GMDS: variants seen among roughly 807,000 people sequenced by gnomAD.
GMDS encodes GDP-mannose 4,6 dehydratase.
Under a neutral mutation model 49.9 loss-of-function variants are expected in GMDS, and 20 were observed. The observed-to-expected ratio is 0.40, with a 90% confidence interval of 0.28 to 0.58. The LOEUF (loss-of-function observed/expected upper bound fraction) is 0.58, where lower values mean the gene tolerates loss of function less well. GMDS is among the 20% of genes least tolerant of loss of function. The pLI is 0.42. For missense variants in GMDS, 362 were observed against 481.4 expected, an observed-to-expected ratio of 0.75 and a Z score of 2.32; for synonymous variants, 177 against 178.6, an observed-to-expected ratio of 0.99 and a Z score of 0.07.
intron 1 of GMDS, among the ~76,000 whole-genome samples, chr6:2,240,480 T>C (rs1471615249): frequency 6.6e-6 from 1 of 151,886 alleles, no homozygotes; most frequent in Non-Finnish European, 1.5e-5. Context: ...TTCAAACACC[T>C]GTAATCCCAG....
intron 1 of GMDS, among the ~76,000 whole-genome samples, chr6:2,177,795 A>G (rs1295907065): frequency 6.6e-6 from 1 of 152,192 alleles, no homozygotes; most frequent in East Asian, 1.9e-4. Context: ...AGACAGTCCC[A>G]AAAGAAAATA....
chr6:1,942,688 T>C (rs1374107391), intron 6 of GMDS, among the ~76,000 whole-genome samples: 1 of 152,146 alleles, frequency 6.6e-6, no homozygotes, highest in Non-Finnish European at 1.5e-5. Flanking sequence ...AGACAGAAGA[T>C]AAAAAGGGAG....
intron 1 of GMDS, among the ~76,000 whole-genome samples, chr6:2,202,535 C>G (rs1050543079): frequency 3.3e-5 from 5 of 151,676 alleles, no homozygotes; most frequent in Non-Finnish European, 7.4e-5. Flanking sequence ...TAATTCTCTC[C>G]GTGCCTCAGT....
intron 7 of GMDS, among the ~76,000 whole-genome samples, chr6:1,898,764 G>A (rs923843183): frequency 6.6e-6 from 1 of 152,192 alleles, no homozygotes; most frequent in African/African-American, 2.4e-5. Context: ...TCTAAAGGAA[G>A]GTGCTGTGAG....
chr6:1,847,202 C>G (rs1198286995), intron 7 of GMDS, among the ~76,000 whole-genome samples: 1 of 151,896 alleles, frequency 6.6e-6, no homozygotes, highest in Non-Finnish European at 1.5e-5. Context: ...ACTACAGGTA[C>G]AAGCCACCAC....
intron 9 of GMDS, among the ~76,000 whole-genome samples, chr6:1,702,055 G>A (rs972757681): frequency 2.0e-5 from 3 of 152,306 alleles, no homozygotes; most frequent in East Asian, 1.9e-4. Flanking sequence ...GGGTATTATC[G>A]AACTAGAAAC....
intron 9 of GMDS, among the ~76,000 whole-genome samples, chr6:1,717,245 G>A (rs946257125): frequency 2.0e-5 from 3 of 152,224 alleles, no homozygotes; most frequent in Non-Finnish European, 4.4e-5. Flanking sequence ...GTGATTACTT[G>A]TTACATCAGC....
chr6:1,873,487 T>C (rs947184974), intron 7 of GMDS, among the ~76,000 whole-genome samples: 18 of 152,216 alleles, frequency 1.2e-4, no homozygotes, highest in Admixed American at 3.3e-4. Context: ...GGCCACTTTT[T>C]CCCTGGAAAC....
intron 4 of GMDS, among the ~76,000 whole-genome samples, chr6:1,999,464 G>C (rs1308672729): frequency 6.6e-6 from 1 of 151,826 alleles, no homozygotes; most frequent in Non-Finnish European, 1.5e-5. Flanking sequence ...GAAGATGGCA[G>C]ACTAGCTTAA....
chr6:1,860,078 C>T (rs1029155241), intron 7 of GMDS, among the ~76,000 whole-genome samples: 29 of 151,850 alleles, frequency 1.9e-4, no homozygotes, highest in African/African-American at 6.0e-4. Flanking sequence ...AACAGTAAAA[C>T]AAAACAAAAC....
intron 7 of GMDS, among the ~76,000 whole-genome samples, chr6:1,786,803 T>G (rs968450178): frequency 1.3e-5 from 2 of 151,938 alleles, no homozygotes; most frequent in Admixed American, 6.6e-5. Flanking sequence ...TTTGTGGTTT[T>G]TTTTTTTATC....
intron 7 of GMDS, among the ~76,000 whole-genome samples, chr6:1,826,136 T>A (rs560516802): frequency 1.3e-5 from 2 of 152,310 alleles, no homozygotes; most frequent in African/African-American, 4.8e-5. Flanking sequence ...TATGAAGGCC[T>A]AGGACATGAC....
chr6:1,861,167 C>T (rs1758164684), intron 7 of GMDS, among the ~76,000 whole-genome samples: 1 of 152,264 alleles, frequency 6.6e-6, no homozygotes, highest in African/African-American at 2.4e-5. Flanking sequence ...TGGAGGGTGA[C>T]GTGCACACAA....
chr6:2,015,549 G>GA (rs1196007033), intron 4 of GMDS, among the ~76,000 whole-genome samples: 5 of 152,136 alleles, frequency 3.3e-5, no homozygotes, highest in Non-Finnish European at 7.4e-5. Flanking sequence ...GCAACATTAG[G>GA]AAAGAGGAAA....
chr6:1,628,689 T>C (rs1443082861), intron 9 of GMDS, among the ~76,000 whole-genome samples: 2 of 152,246 alleles, frequency 1.3e-5, no homozygotes, highest in East Asian at 3.8e-4. Context: ...GGCAGATTAT[T>C]GTTAAATTTC....
chr6:1,705,360 G>A (rs73405517), intron 9 of GMDS, among the ~76,000 whole-genome samples: 1,814 of 152,316 alleles, frequency 0.012, 39 homozygotes, highest in African/African-American at 0.042. Context: ...GACAGGCTGA[G>A]TTAGGCTTGT....
intron 9 of GMDS, among the ~76,000 whole-genome samples, chr6:1,683,496 C>G (rs1489063242): frequency 6.6e-6 from 1 of 152,164 alleles, no homozygotes; most frequent in Non-Finnish European, 1.5e-5. Context: ...TATTTTAACC[C>G]AAGAAACTCT....
intron 8 of GMDS, among the ~76,000 whole-genome samples, chr6:1,733,027 G>T (rs1015839335): frequency 6.6e-6 from 1 of 152,188 alleles, no homozygotes; most frequent in African/African-American, 2.4e-5. Flanking sequence ...CTCTGCCCCA[G>T]AGATGGGTAT....
chr6:1,626,497 C>A (rs1310946539), intron 9 of GMDS, among the ~76,000 whole-genome samples: 1 of 152,154 alleles, frequency 6.6e-6, no homozygotes, highest in Non-Finnish European at 1.5e-5. Flanking sequence ...TTTCTACAGG[C>A]TTCTATTTTG....
Sources: allele counts gnomAD v4.1 joint callset (sites outside exome capture counted in the v4.1 genomes callset), GRCh38; gene constraint gnomAD v4.1.1; transcripts MANE v1.5; gene names NCBI Gene and HGNC (gene_info 2026-07-23, HGNC 2026-07-21).